Variants in REXO1 observed in about 807,000 individuals in gnomAD.
REXO1 encodes the protein RNA exonuclease 1 homolog, also known as REX1, RNA exonuclease 1 homolog.
Under a neutral mutation model 102.6 loss-of-function variants are expected in REXO1, and 42 were observed. That is an observed-to-expected ratio of 0.41 (90% CI 0.32 to 0.53). The LOEUF is 0.53. Among genes scored for constraint, REXO1 ranks in the 20% least tolerant of loss-of-function variants. The pLI is 0.27. For synonymous variants in REXO1, 908 were observed against 779.1 expected (o/e 1.17, Z -2.76); for missense variants, 1,819 against 1,732.5 (o/e 1.05, Z -0.89).
At chr19:1,823,927 C>A (rs183891571) in intron 3 of REXO1, 142 bp from the exon 4 acceptor site, 10 of 400,166 alleles carry the variant, frequency 2.5e-5, no homozygotes, top group Admixed American at 4.4e-5. Context: ...CTGCTGGGCA[C>A]ACTGGGGGGA....
rs1457960216 is a variant in REXO1, at chr19:1,815,801, G to T, written c.*265C>A. ...GGGGCTGCGGGCCGGGTGGGGGCGG[G>T]CTCTGTCCTGGTCTCCATCAGCAGC... On this transcript the variant is annotated 3_prime_UTR_variant, in exon 16 of 16. Transcript: ENST00000170168. This position sits in a 1 kb window ranked among gnomAD's most constrained non-coding sequence, Gnocchi z 4.0. 8 of 1,484,128 alleles carry T rather than the reference G, an allele frequency of 5.4e-6. No homozygotes were observed. The highest frequency in any genetic ancestry group is 7.2e-6 in the Non-Finnish European group (8 of 1,116,172). 91.9% of individuals were successfully genotyped at this position (1,484,128 alleles called of 1,614,324 possible).
chr19:1,831,560 C>T (rs896259533), intron 1 of REXO1, among the ~76,000 whole-genome samples: 5 of 151,968 alleles, frequency 3.3e-5, no homozygotes, highest in Non-Finnish European at 7.4e-5. Flanking sequence ...TGGCTGGTTT[C>T]GGCCGGTTGT....
At chr19:1,828,820 C>G (rs2069825617) in intron 1 of REXO1, among the ~76,000 whole-genome samples, 189 bp from the exon 2 acceptor site, 1 of 152,252 alleles carries the variant, frequency 6.6e-6, no homozygotes, top group Non-Finnish European at 1.5e-5. Context: ...AGGCCCTGTG[C>G]CGGGCCCCGC....
chr19:1,833,746 G>C (rs1050623540), intron 1 of REXO1, among the ~76,000 whole-genome samples: 1 of 152,252 alleles, frequency 6.6e-6, no homozygotes, highest in South Asian at 2.1e-4. Context: ...CTGGTGAACA[G>C]GGCAACTAGT....
chr19:1,847,729 C>T (rs975768219), intron 1 of REXO1, among the ~76,000 whole-genome samples: 1 of 152,234 alleles, frequency 6.6e-6, no homozygotes, highest in Non-Finnish European at 1.5e-5. Context: ...CATCCTAACT[C>T]AACGACTGGA....
chr19:1,816,397 G>A, intron 14 of REXO1, 34 bp downstream of exon 14: 2 of 1,602,518 alleles, frequency 1.2e-6, no homozygotes. Context: ...AGGTCCTGCT[G>A]GAGAACCGCG....
At chr19:1,822,062 C>T (rs971574799) in intron 4 of REXO1, 6 of 480,168 alleles carry the variant, frequency 1.2e-5, no homozygotes, top group Middle Eastern at 5.0e-4. Flanking sequence ...CCCTGCCCTG[C>T]GGCCTCTGTG....
intron 1 of REXO1, among the ~76,000 whole-genome samples, chr19:1,835,858 A>G (rs1048609221): frequency 1.3e-5 from 2 of 152,118 alleles, no homozygotes; most frequent in African/African-American, 4.8e-5. Context: ...TATCTTCCCC[A>G]GCCTCTCCAG....
chr19:1,836,153 CCA>C (rs942477220), intron 1 of REXO1, among the ~76,000 whole-genome samples: 1 of 152,218 alleles, frequency 6.6e-6, no homozygotes, highest in Non-Finnish European at 1.5e-5. Flanking sequence ...CCCCGCCCCA[CCA>C]CACTCAATCC....
chr19:1,843,482 A>T (rs79957076), intron 1 of REXO1, among the ~76,000 whole-genome samples: 181 of 152,308 alleles, frequency 1.2e-3, no homozygotes, highest in African/African-American at 4.3e-3. Flanking sequence ...CGCAAAGGAC[A>T]GCCCACCAGA....
intron 11 of REXO1, 68 bp downstream of exon 11, chr19:1,817,639 C>T (rs922494974): frequency 9.2e-6 from 14 of 1,527,312 alleles, no homozygotes; most frequent in African/African-American, 5.5e-5. Context: ...CCCGAGACCC[C>T]ACACCAACGA....
At chr19:1,846,820 G>T (rs2011562615) in intron 1 of REXO1, among the ~76,000 whole-genome samples, 1 of 152,198 alleles carries the variant, frequency 6.6e-6, no homozygotes, top group African/African-American at 2.4e-5. Flanking sequence ...TTGAGCCCAG[G>T]AGGTCGAGGC....
chr19:1,822,190 C>A, intron 4 of REXO1: 1 of 295,000 alleles, frequency 3.4e-6, no homozygotes, highest in East Asian at 6.2e-5. Flanking sequence ...GTCTGTGTGG[C>A]AGGGGGGCTT....
At position 1,848,292 on chromosome 19, in the gene REXO1, G is replaced by C; in HGVS notation, c.67C>G (p.Pro23Ala). 1.6e-6 allele frequency: 2 copies of C among 1,232,198 alleles called. No homozygotes were observed. Among genetic ancestry groups the C allele is most frequent in the Non-Finnish European group, 2.0e-6 (2 of 981,950 alleles). The allele number at this position is 1,232,198 out of a possible 1,614,324, so 76.3% of individuals were successfully genotyped here. A position where few individuals can be genotyped will look rare whatever the true frequency, so the allele number is the denominator to read the frequency against. ...CPYWSGAPGG[P>A]CRRPYCHFRH... Reference sequence around the variant, plus strand: ...AAGTGGCAGTAGGGCCGCCGGCAGGGCCCCCCGGGCGCCCCAGACCAATAG... The same window carrying C: ...AAGTGGCAGTAGGGCCGCCGGCAGGCCCCCCCGGGCGCCCCAGACCAATAG... The change falls in exon 1 of 16, where the codon CCC becomes GCC. Residue 23 changes from proline to alanine, a missense_variant. Physicochemically the swap from Pro to Ala is conservative, Grantham distance 27. Coordinates refer to ENST00000170168, the MANE Select transcript of REXO1 (RefSeq NM_020695.4).
chr19:1,827,389 G>A lies in REXO1; in HGVS notation c.1400C>T (p.Pro467Leu), dbSNP rs760852630. ...RPSPTSGDSR[P>L]AAGRGPPRPL... ...GCGGGGTGGGCCTCTGCCGGCCGCC[G>A]GTCGGGAGTCCCCGCTTGTGGGGCT... The change falls in exon 2 of 16, where the codon CCG (proline) becomes CTG (leucine). Residue 467 changes from proline (P) to leucine (L), a missense_variant. By Grantham distance (98) the Pro-to-Leu change is moderately conservative. Transcript: ENST00000170168. 21 of 1,538,266 alleles carry A rather than the reference G, an allele frequency of 1.4e-5. No individual in the cohort carries two copies. The highest frequency in any genetic ancestry group is 3.7e-4 in the Middle Eastern group (2 of 5,376).
intron 1 of REXO1, among the ~76,000 whole-genome samples, chr19:1,843,390 A>G (rs1293024915): frequency 6.6e-6 from 1 of 152,198 alleles, no homozygotes; most frequent in Non-Finnish European, 1.5e-5. Context: ...GCGAGGGCTG[A>G]AAAAGAAACG....
In REXO1 at chr19:1,823,699, C is replaced by T. The variant is rs948068111; in HGVS notation, c.2103G>A (p.Ala701=). 2.5e-5 allele frequency: 32 copies of T among 1,279,666 alleles called. No individual in the cohort carries two copies. The highest frequency in any genetic ancestry group is 2.5e-4 in the Middle Eastern group (1 of 4,080). The allele number at this position is 1,279,666 out of a possible 1,614,324, so 79.3% of individuals were successfully genotyped here. A position where few individuals can be genotyped will look rare whatever the true frequency, so the allele number is the denominator to read the frequency against. ...QEVCYLRAQQ[A]QRASASLLQA... ...GCAGCAAGCTCGCCGATGCCCTCTG[C>T]GCCTGCTGGGCCCGCAGGTAGCACA... The change falls in exon 4 of 16, where the codon GCG becomes GCA. Residue 701 remains alanine (A), a synonymous_variant. Coordinates refer to ENST00000170168, the MANE Select transcript of REXO1 (RefSeq NM_020695.4).
rs1187693670 is a variant in REXO1 at position 1,848,286 on chromosome 19, G to A, written c.73C>T (p.Arg25Trp). The stretch of plus-strand genomic sequence containing the variant: ...TGCCGGAAGTGGCAGTAGGGCCGCC[G>A]GCAGGGCCCCCCGGGCGCCCCAGAC... ...YWSGAPGGPC[R>W]RPYCHFRHRG... is the part of the protein sequence containing the mutation. Residue 25 changes from arginine to tryptophan, a missense_variant, in exon 1 of 16, where the codon CGG (arginine) becomes TGG (tryptophan). By Grantham distance (101) the Arg-to-Trp change is moderately radical (BLOSUM62 -3). Transcript: ENST00000170168. 26 of 1,233,464 alleles carry A rather than the reference G, an allele frequency of 2.1e-5. No homozygotes were observed. The highest frequency in any genetic ancestry group is 2.5e-5 in the Non-Finnish European group (25 of 982,932). 76.4% of individuals were successfully genotyped at this position (1,233,464 alleles called of 1,614,324 possible). A position where few individuals can be genotyped will look rare whatever the true frequency, so the allele number is the denominator to read the frequency against.
rs1033729781 is a variant in REXO1, at chr19:1,817,554, G to A, written c.3090+153C>T. The A allele has an allele frequency of 2.5e-5, 36 of 1,446,778 alleles. 1 individual carries two copies. Among genetic ancestry groups the A allele is most frequent in the South Asian group, 7.1e-5 (5 of 70,710 alleles). 89.6% of individuals were successfully genotyped at this position (1,446,778 alleles called of 1,614,324 possible). ...GCCAGGGACAGGGCCTGGGGCCTACGGGTGCTACGTTCTCTGGGTAACACA... is the reference window on the plus strand; with the variant it reads ...GCCAGGGACAGGGCCTGGGGCCTACAGGTGCTACGTTCTCTGGGTAACACA... On this transcript the variant is annotated intron_variant, in intron 11 of 15. Coordinates refer to ENST00000170168, the MANE Select transcript of REXO1 (RefSeq NM_020695.4).
Sources: gnomAD v4.1 joint callset for allele counts (sites outside exome capture counted in the v4.1 genomes callset) on GRCh38, gnomAD v4.1.1 for gene constraint, Gnocchi (gnomAD v3.1) non-coding constraint, MANE v1.5 for transcripts, NCBI Gene and HGNC (gene_info 2026-07-23, HGNC 2026-07-21) for gene names.